ZNF536: variants seen among roughly 807,000 people sequenced by gnomAD.
ZNF536 encodes zinc finger protein 536.
Under a neutral mutation model 84.5 loss-of-function variants are expected in ZNF536, and 13 were observed. That is an observed-to-expected ratio of 0.15 (90% confidence interval 0.10 to 0.24). The LOEUF is 0.24. ZNF536 is among the 10% of genes least tolerant of loss of function. The pLI is 1.00. For synonymous variants in ZNF536, 811 were observed against 742.5 expected (o/e 1.09, Z -1.50); for missense variants, 1,536 against 1,747.5 (o/e 0.88, Z 2.16).
intron 1 of ZNF536, among the ~76,000 whole-genome samples, chr19:30,698,632 A>G (rs2147968176): frequency 6.6e-6 from 1 of 152,258 alleles, no homozygotes; most frequent in South Asian, 2.1e-4. Flanking sequence ...TCTCATGTGT[A>G]GACTGGGGTT....
At chr19:30,565,097 C>T (rs1170950395) in intron 1 of ZNF536, among the ~76,000 whole-genome samples, 1 of 151,988 alleles carries the variant, frequency 6.6e-6, no homozygotes, top group African/African-American at 2.4e-5. Flanking sequence ...ACGAGGGTGA[C>T]CATCTGCTCC....
At chr19:30,340,356 C>G (rs547541745) in intron 2 of ZNF536, among the ~76,000 whole-genome samples, 1 of 152,278 alleles carries the variant, frequency 6.6e-6, no homozygotes, top group Admixed American at 6.5e-5. Flanking sequence ...CAGTCGGGTC[C>G]CGGAGGGGAG....
rs558479563 is a variant in ZNF536 at position 30,653,133 on chromosome 19, A to G, written c.170-57624A>G. ...GGGTTTCACCATGCTTGACTCTTTT[A>G]TCTTACTTGTTTTTAGACAAGTGTT... On this transcript the variant is annotated intron_variant, in intron 1 of 1. Coordinates refer to the ZNF536 transcript ENST00000592773. Among the ~76,000 whole-genome samples, 5 of 152,168 alleles carry G rather than the reference A, an allele frequency of 3.3e-5. No homozygotes were observed. In the South Asian group the frequency reaches 8.3e-4, roughly 25 times the overall value.
intron 2 of ZNF536, among the ~76,000 whole-genome samples, chr19:30,505,019 T>G (rs2055109471): frequency 6.6e-6 from 1 of 152,058 alleles, no homozygotes; most frequent in African/African-American, 2.4e-5. Flanking sequence ...ACCCAACAAC[T>G]TATGAGATTG....
chr19:30,248,376 C>A (rs2024409899), intron 1 of ZNF536, among the ~76,000 whole-genome samples: 1 of 150,414 alleles, frequency 6.6e-6, no homozygotes, highest in African/African-American at 2.5e-5. Context: ...ATTACAGACA[C>A]CTGCCACCAT....
At chr19:30,482,546 C>CTTTTT (rs5827717) in intron 2 of ZNF536, among the ~76,000 whole-genome samples, 1 of 149,710 alleles carries the variant, frequency 6.7e-6, no homozygotes, top group Non-Finnish European at 1.5e-5. Context: ...AAGATTCTTG[C>CTTTTT]TTTTTTTTTT....
chr19:30,437,404 C>T (rs572491219), intron 1 of ZNF536, among the ~76,000 whole-genome samples: 8 of 152,300 alleles, frequency 5.3e-5, no homozygotes, highest in Non-Finnish European at 1.0e-4. Context: ...GAATGGCTCA[C>T]GGTACCTGCA....
chr19:30,596,293 C>T (rs955154461), intron 1 of ZNF536, among the ~76,000 whole-genome samples: 3 of 152,128 alleles, frequency 2.0e-5, no homozygotes, highest in Non-Finnish European at 4.4e-5. Context: ...GCAAGGCATT[C>T]ATTTTTCCTT....
intron 2 of ZNF536, among the ~76,000 whole-genome samples, chr19:30,511,348 C>T (rs577983186): frequency 1.6e-4 from 25 of 152,236 alleles, no homozygotes; most frequent in East Asian, 3.9e-4. Context: ...GCAGCTATGA[C>T]GTGAAATTTT....
At chr19:30,375,492 C>A (rs1231389352) in intron 1 of ZNF536, among the ~76,000 whole-genome samples, 1 of 152,198 alleles carries the variant, frequency 6.6e-6, no homozygotes, top group Non-Finnish European at 1.5e-5. Context: ...CACAGCCACA[C>A]CGCGCACCCT....
intron 1 of ZNF536, among the ~76,000 whole-genome samples, chr19:30,596,324 C>G (rs1435392483): frequency 1.3e-5 from 2 of 152,076 alleles, no homozygotes; most frequent in Non-Finnish European, 2.9e-5. Flanking sequence ...AATAAAAGAA[C>G]GTCTCTGGCT....
intron 1 of ZNF536, among the ~76,000 whole-genome samples, chr19:30,680,959 A>G (rs966940434): frequency 4.6e-5 from 7 of 152,072 alleles, no homozygotes; most frequent in African/African-American, 1.4e-4. Flanking sequence ...CTGGTGTGAG[A>G]TGGTATCTCA....
chr19:30,258,724 T>A (rs2025040463), intron 1 of ZNF536, among the ~76,000 whole-genome samples: 1 of 150,238 alleles, frequency 6.7e-6, no homozygotes. Context: ...TTTATTTATT[T>A]ATTTAATTTT....
chr19:30,668,256 G>A (rs1206510869), intron 1 of ZNF536, among the ~76,000 whole-genome samples: 1 of 152,158 alleles, frequency 6.6e-6, no homozygotes, highest in Non-Finnish European at 1.5e-5. Context: ...AGATTCCACA[G>A]TGGGGGCTCC....
intron 2 of ZNF536, among the ~76,000 whole-genome samples, chr19:30,488,934 C>T (rs2054399812): frequency 6.6e-6 from 1 of 152,158 alleles, no homozygotes; most frequent in African/African-American, 2.4e-5. Flanking sequence ...ACTTCCAGTT[C>T]CCGAAGCATT....
chr19:30,615,618 C>A (rs902800347), intron 1 of ZNF536, among the ~76,000 whole-genome samples: 1 of 150,672 alleles, frequency 6.6e-6, no homozygotes, highest in Non-Finnish European at 1.5e-5. Context: ...GATATTTAAT[C>A]TTATTTTAAA....
At chr19:30,595,220 G>T (rs894525801) in intron 1 of ZNF536, among the ~76,000 whole-genome samples, 1 of 152,118 alleles carries the variant, frequency 6.6e-6, no homozygotes, top group East Asian at 1.9e-4. Context: ...TCAGGGGTTG[G>T]CCATTGCCTT....
intron 1 of ZNF536, among the ~76,000 whole-genome samples, chr19:30,381,610 G>A (rs1372741311): frequency 1.3e-5 from 2 of 152,202 alleles, no homozygotes; most frequent in Non-Finnish European, 2.9e-5. Flanking sequence ...AGGGAGGTGA[G>A]ATGGGAAATT....
intron 1 of ZNF536, among the ~76,000 whole-genome samples, chr19:30,608,873 T>G (rs1199278089): frequency 6.6e-6 from 1 of 152,174 alleles, no homozygotes; most frequent in Non-Finnish European, 1.5e-5. Flanking sequence ...ATCAGAATGT[T>G]GCCTTGGAGC....
Sources: gnomAD v4.1 joint callset for allele counts (sites outside exome capture counted in the v4.1 genomes callset) on GRCh38, gnomAD v4.1.1 for gene constraint, MANE v1.5 for transcripts, NCBI Gene and HGNC (gene_info 2026-07-23, HGNC 2026-07-21) for gene names.